Variants in TLL1 observed in about 807,000 individuals in gnomAD.
TLL1 encodes the protein tolloid-like protein 1.
Under a neutral mutation model 128.2 loss-of-function variants are expected in TLL1, and 49 were observed. That is an observed-to-expected ratio of 0.38 (90% CI 0.30 to 0.48). The LOEUF is 0.48. Among genes scored for constraint, TLL1 ranks in the 20% least tolerant of loss-of-function variants. The pLI is 0.96. For missense variants in TLL1, 1,123 were observed against 1,242.0 expected, an observed-to-expected ratio of 0.90 and a Z score of 1.44; for synonymous variants, 454 against 418.8, an observed-to-expected ratio of 1.08 and a Z score of -1.03.
chr4:165,995,901 T>A (rs1050858057), intron 5 of TLL1, among the ~76,000 whole-genome samples: 1 of 152,138 alleles, frequency 6.6e-6, no homozygotes, highest in Non-Finnish European at 1.5e-5. Flanking sequence ...ACATCCAAAG[T>A]TCTGATCACT....
intron 16 of TLL1, among the ~76,000 whole-genome samples, chr4:166,066,762 C>A (rs1267841831): frequency 1.3e-5 from 2 of 151,672 alleles, no homozygotes; most frequent in Non-Finnish European, 3.0e-5. Context: ...CAGAAAAGAG[C>A]CTCCAGAATA....
At chr4:165,882,505 C>T (rs1293363443) in intron 1 of TLL1, among the ~76,000 whole-genome samples, 3 of 151,966 alleles carry the variant, frequency 2.0e-5, no homozygotes, top group Non-Finnish European at 2.9e-5. Context: ...TATAACTAAA[C>T]CTGAATGCAG....
chr4:165,976,990 G>T (rs1282459552), intron 1 of TLL1, among the ~76,000 whole-genome samples: 1 of 152,152 alleles, frequency 6.6e-6, no homozygotes, highest in Non-Finnish European at 1.5e-5. Flanking sequence ...AGTTCTTCCA[G>T]TGTGGCCCAG....
At chr4:166,080,488 A>G (rs1741237928) in intron 18 of TLL1, among the ~76,000 whole-genome samples, 1 of 152,104 alleles carries the variant, frequency 6.6e-6, no homozygotes, top group South Asian at 2.1e-4. Context: ...TAGTTCCTTT[A>G]AATTCCATTT....
At chr4:165,913,402 T>C (rs1056786985) in intron 1 of TLL1, among the ~76,000 whole-genome samples, 1 of 152,178 alleles carries the variant, frequency 6.6e-6, no homozygotes, top group Non-Finnish European at 1.5e-5. Flanking sequence ...CATATATATG[T>C]TAGTTTTTGA....
At chr4:166,056,881 T>C (rs1356465190) in intron 13 of TLL1, among the ~76,000 whole-genome samples, 1 of 152,210 alleles carries the variant, frequency 6.6e-6, no homozygotes, top group East Asian at 1.9e-4. Flanking sequence ...GCTTATACGT[T>C]GTTCCTGCTC....
Position 166,094,659 on chromosome 4 carries a change from C to T in TLL1, c.2656+3318C>T, listed in dbSNP as rs190998581. On this transcript the variant is annotated intron_variant, in intron 19 of 20. Transcript: ENST00000061240. The stretch of plus-strand genomic sequence containing the variant: ...ACAGTTGAAATTAGAGTCCTGGCTT[C>T]GCAATTCCTGTTCCTTTATTATTCT... Among the ~76,000 whole-genome samples the T allele has an allele frequency of 1.6e-3, 243 of 152,218 alleles. 3 individuals carry two copies. Among genetic ancestry groups the T allele is most frequent in the South Asian group, 4.1e-3 (20 of 4,822 alleles).
At position 166,014,432 on chromosome 4, in the gene TLL1, T is replaced by G. The variant is rs769754584; in HGVS notation, c.918-4T>G. On this transcript the variant is annotated splice_polypyrimidine_tract_variant and splice_region_variant and intron_variant, in intron 7 of 20. Coordinates refer to ENST00000061240, the MANE Select transcript of TLL1 (RefSeq NM_012464.5). ...AGGTGTGGTTTGCTTCTGCTTTTTT[T>G]CAGGGGGATGTTTCTGGATACCATT... 48 of 1,611,896 alleles carry G rather than the reference T, an allele frequency of 3.0e-5. 1 individual carries two copies. In the South Asian group the frequency reaches 5.3e-4, roughly 18 times the overall value.
chr4:165,987,236 G>A (rs1292408289), intron 1 of TLL1, among the ~76,000 whole-genome samples: 1 of 152,088 alleles, frequency 6.6e-6, no homozygotes, highest in Non-Finnish European at 1.5e-5. Flanking sequence ...CATTGTAAAT[G>A]CACCTGATGG....
chr4:166,044,442 T>C, intron 12 of TLL1: 1 of 1,534,984 alleles, frequency 6.5e-7, no homozygotes, highest in Non-Finnish European at 8.7e-7. Context: ...CTGTAAATTC[T>C]ATTTCTTCAG....
At position 166,052,013 on chromosome 4, in the gene TLL1, A is replaced by C. The variant is rs533391749; in HGVS notation, c.1525-3063A>C. 3.3e-5 allele frequency among the ~76,000 whole-genome samples: 5 copies of C among 152,282 alleles called. No individual in the cohort carries two copies. In the South Asian group the frequency reaches 1.0e-3, roughly 32 times the overall value. ...TTTTTACTAAGTAACCAGTGAATACACTGTAAATTAAAATGTAAAGTGAAT... is the reference window on the plus strand; with the variant it reads ...TTTTTACTAAGTAACCAGTGAATACCCTGTAAATTAAAATGTAAAGTGAAT... On this transcript the variant is annotated intron_variant, in intron 12 of 20. Coordinates refer to ENST00000061240, the MANE Select transcript of TLL1 (RefSeq NM_012464.5).
At chr4:165,957,834 G>T (rs1433552618) in intron 1 of TLL1, among the ~76,000 whole-genome samples, 1 of 148,108 alleles carries the variant, frequency 6.8e-6, no homozygotes, top group African/African-American at 2.5e-5. Flanking sequence ...TTAGCATTAG[G>T]TATATCTCCT....
At chr4:165,885,267 T>C (rs1045340209) in intron 1 of TLL1, among the ~76,000 whole-genome samples, 2 of 152,186 alleles carry the variant, frequency 1.3e-5, no homozygotes. Context: ...TGGAAATCTC[T>C]AAGGCTGTTC....
intron 1 of TLL1, among the ~76,000 whole-genome samples, chr4:165,957,680 C>G (rs1165526168): frequency 1.3e-5 from 2 of 151,056 alleles, no homozygotes; most frequent in Non-Finnish European, 1.5e-5. Flanking sequence ...CACCCAAGTA[C>G]CCTAAGTCCA....
intron 1 of TLL1, among the ~76,000 whole-genome samples, chr4:165,940,062 CCTT>C (rs1272880087): frequency 2.6e-5 from 4 of 151,770 alleles, no homozygotes; most frequent in African/African-American, 7.3e-5. Flanking sequence ...TTATTATTGT[CCTT>C]CTTCTGTCTT....
chr4:166,099,212 G>T (rs766320279), intron 19 of TLL1, 65 bp from the exon 20 acceptor site: 26 of 1,610,024 alleles, frequency 1.6e-5, no homozygotes, highest in Non-Finnish European at 2.2e-5. Flanking sequence ...AAACTACACT[G>T]AAATTTAAAT....
intron 16 of TLL1, among the ~76,000 whole-genome samples, chr4:166,074,356 G>GA (rs1424508928): frequency 5.3e-5 from 8 of 151,178 alleles, no homozygotes; most frequent in East Asian, 2.0e-4. Flanking sequence ...AGTTAATGGG[G>GA]AAAAAAATCA....
chr4:165,961,656 A>T (rs1245939468), intron 1 of TLL1, among the ~76,000 whole-genome samples: 3 of 152,160 alleles, frequency 2.0e-5, no homozygotes, highest in African/African-American at 7.2e-5. Flanking sequence ...AGAACCCAGA[A>T]ACAAAGCTGC....
At chr4:166,004,363 T>C (rs1737312739) in intron 6 of TLL1, among the ~76,000 whole-genome samples, 1 of 152,150 alleles carries the variant, frequency 6.6e-6, no homozygotes. Context: ...CTTCTGTAAT[T>C]AACAATACTG....
Sources: allele counts gnomAD v4.1 joint callset (sites outside exome capture counted in the v4.1 genomes callset), GRCh38; gene constraint gnomAD v4.1.1; transcripts MANE v1.5; gene names NCBI Gene and HGNC (gene_info 2026-07-23, HGNC 2026-07-21).